SMAD9: variants seen among roughly 807,000 people sequenced by gnomAD.
SMAD9 encodes MAD homolog 9.
A neutral mutation model predicts 46.1 loss-of-function variants in SMAD9; 36 were observed. The ratio of observed to expected loss-of-function variants is 0.78; its 90% CI spans 0.60 to 1.03. The LOEUF is 1.03. Among genes scored for constraint, SMAD9 ranks in the 50% least tolerant of loss-of-function variants. SMAD9 has a pLI of 0.00. For missense variants in SMAD9, 572 were observed against 599.8 expected (o/e 0.95, Z 0.48); for synonymous variants, 245 against 237.1 (o/e 1.03, Z -0.31).
chr13:36,882,358 T>C (rs2058411752), intron 1 of SMAD9, among the ~76,000 whole-genome samples: 1 of 152,124 alleles, frequency 6.6e-6, no homozygotes, highest in Non-Finnish European at 1.5e-5. Flanking sequence ...TCCTAAACCA[T>C]ACATTTTTCT....
intron 1 of SMAD9, among the ~76,000 whole-genome samples, chr13:36,904,292 T>C (rs954362171): frequency 6.6e-6 from 1 of 152,214 alleles, no homozygotes; most frequent in African/African-American, 2.4e-5. Context: ...GAGTTAGATA[T>C]GCGACTCTTG....
At chr13:36,897,849 C>CTTTTTTT (rs574741770) in intron 1 of SMAD9, among the ~76,000 whole-genome samples, 44 of 90,024 alleles carry the variant, frequency 4.9e-4, no homozygotes, top group East Asian at 7.1e-4. Context: ...TGTCCTGTGT[C>CTTTTTTT]TTTTTTTTTT....
At chr13:36,871,538 A>AAAT (rs1566021859) in intron 3 of SMAD9, among the ~76,000 whole-genome samples, 2 of 152,146 alleles carry the variant, frequency 1.3e-5, no homozygotes, top group African/African-American at 4.8e-5. Context: ...ATAAAAAATA[A>AAAT]AAATAAATAA....
chr13:36,891,534 T>C (rs1476200805), intron 1 of SMAD9, among the ~76,000 whole-genome samples: 3 of 152,218 alleles, frequency 2.0e-5, no homozygotes, highest in Non-Finnish European at 4.4e-5. Context: ...TATTTAAACA[T>C]AGGTGGCAAC....
chr13:36,905,810 A>C (rs968879685), intron 1 of SMAD9, among the ~76,000 whole-genome samples: 7 of 122,672 alleles, frequency 5.7e-5, no homozygotes, highest in Admixed American at 1.7e-4. Flanking sequence ...AAAAAAAAAA[A>C]AAAAACTTAT....
At chr13:36,900,036 T>C (rs2058561081) in intron 1 of SMAD9, among the ~76,000 whole-genome samples, 1 of 152,180 alleles carries the variant, frequency 6.6e-6, no homozygotes, top group African/African-American at 2.4e-5. Context: ...CATATTAGAA[T>C]GATCCTGCTT....
At chr13:36,869,896 C>A (rs575814392) in intron 3 of SMAD9, among the ~76,000 whole-genome samples, 6 of 151,588 alleles carry the variant, frequency 4.0e-5, no homozygotes, top group Non-Finnish European at 7.4e-5. Flanking sequence ...AAAAAATTAA[C>A]ATATGAGAAA....
intron 1 of SMAD9, among the ~76,000 whole-genome samples, chr13:36,917,305 G>T (rs1403913587): frequency 6.6e-6 from 1 of 151,950 alleles, no homozygotes; most frequent in Non-Finnish European, 1.5e-5. Context: ...TTTTTTTAAT[G>T]TCCTTACTTA....
intron 1 of SMAD9, among the ~76,000 whole-genome samples, chr13:36,906,085 T>C (rs1593623006): frequency 1.3e-5 from 2 of 152,104 alleles, no homozygotes; most frequent in East Asian, 3.9e-4. Context: ...GCAGCTAATT[T>C]TTCTTCACTG....
intron 5 of SMAD9, among the ~76,000 whole-genome samples, chr13:36,858,553 C>T (rs2058148638): frequency 2.0e-5 from 3 of 152,314 alleles, no homozygotes; most frequent in South Asian, 4.1e-4. Flanking sequence ...TACTACACGG[C>T]ATGTCCCATA....
intron 6 of SMAD9, chr13:36,849,687 G>A (rs1459055336): frequency 6.8e-6 from 1 of 148,136 alleles, no homozygotes. Context: ...TATTTATTTT[G>A]TATTTTAATG....
Position 36,879,788 on chromosome 13 carries a change from C to A in SMAD9, c.-99G>T, listed in dbSNP as rs1299542728. On this transcript the variant is annotated 5_prime_UTR_variant, in exon 2 of 7. Transcript: ENST00000379826. ...CTCCAGGGGTGGCATAGGGACCAAC[C>A]CGCCCGTTCTTCTGGGAGCAGCTGG... 7 of 1,344,156 alleles carry A rather than the reference C, an allele frequency of 5.2e-6. No individual in the cohort carries two copies. The East Asian group carries it at 1.6e-4, about 31-fold the overall frequency. The allele number at this position is 1,344,156 out of a possible 1,614,324, so 83.3% of individuals were successfully genotyped here.
chr13:36,866,315 A>G (rs1338012436), intron 4 of SMAD9, among the ~76,000 whole-genome samples: 1 of 151,882 alleles, frequency 6.6e-6, no homozygotes, highest in Admixed American at 6.6e-5. Context: ...AGGGGCTCAC[A>G]TTCTGCTTTG....
chr13:36,897,644 C>T (rs1158034112), intron 1 of SMAD9, among the ~76,000 whole-genome samples: 2 of 152,134 alleles, frequency 1.3e-5, no homozygotes, highest in South Asian at 2.1e-4. Context: ...TGATAACCTG[C>T]TTTTCATAAA....
At chr13:36,852,795 C>T (rs2058085361) in intron 6 of SMAD9, among the ~76,000 whole-genome samples, 1 of 152,098 alleles carries the variant, frequency 6.6e-6, no homozygotes, top group African/African-American at 2.4e-5. Flanking sequence ...CAGTGCTTGG[C>T]AATTGGAAGG....
intron 2 of SMAD9, among the ~76,000 whole-genome samples, chr13:36,878,019 T>A (rs2058362568): frequency 6.6e-6 from 1 of 152,208 alleles, no homozygotes. Context: ...CCTAAAACTG[T>A]GTTCTTGTGT....
Position 36,865,667 on chromosome 13 carries a change from A to G in SMAD9, c.873T>C (p.Ala291=), listed in dbSNP as rs2058225809. 1 of 1,614,136 alleles carries G rather than the reference A, an allele frequency of 6.2e-7. No homozygotes were observed. The highest frequency in any genetic ancestry group is 1.3e-5 in the African/African-American group (1 of 75,046). Residue 291 remains alanine, a synonymous_variant, in exon 5 of 7, where the codon GCT becomes GCC. Coordinates refer to ENST00000379826, the MANE Select transcript of SMAD9 (RefSeq NM_001127217.3). Reference sequence around the variant, plus strand: ...CATCTATGAGCACACTTCGGGAGGAAGCCTGGAATGTCTCCCCAACTCGGT... The same window carrying G: ...CATCTATGAGCACACTTCGGGAGGAGGCCTGGAATGTCTCCCCAACTCGGT... The part of the protein sequence containing the change: ...LNNRVGETFQ[A]SSRSVLIDGF...
intron 1 of SMAD9, among the ~76,000 whole-genome samples, chr13:36,892,647 G>A (rs556471356): frequency 2.0e-5 from 3 of 152,116 alleles, no homozygotes; most frequent in South Asian, 2.1e-4. Context: ...CAGGAACGAC[G>A]GAGCTGTTTT....
chr13:36,879,162 T>C (rs1691494839), intron 2 of SMAD9, 116 bp downstream of exon 2: 12 of 870,592 alleles, frequency 1.4e-5, no homozygotes, highest in Non-Finnish European at 1.9e-5. Context: ...CTCTCCTCTC[T>C]TCTCTCTCTC....
Sources: allele counts gnomAD v4.1 joint callset (sites outside exome capture counted in the v4.1 genomes callset), GRCh38; gene constraint gnomAD v4.1.1; transcripts MANE v1.5; gene names NCBI Gene and HGNC (gene_info 2026-07-23, HGNC 2026-07-21).